LARGE2: variants seen among roughly 807,000 people sequenced by gnomAD.
LARGE2 encodes LARGE xylosyl- and glucuronyltransferase 2.
In LARGE2, 63 loss-of-function variants were observed where a neutral mutation model predicts 75.3. The observed-to-expected ratio is 0.84, with a 90% CI of 0.68 to 1.03. The LOEUF is 1.03. Ranked by LOEUF, LARGE2 falls within the 50% of genes least tolerant of loss-of-function variation. LARGE2 has a pLI of 0.00. For synonymous variants in LARGE2, 428 were observed against 420.1 expected (o/e 1.02, Z -0.23); for missense variants, 925 against 980.6 (o/e 0.94, Z 0.76).
chr11:45,925,092 TCA>T (rs1250785834), intron 6 of LARGE2, among the ~76,000 whole-genome samples: 1 of 152,194 alleles, frequency 6.6e-6, no homozygotes, highest in Non-Finnish European at 1.5e-5. Context: ...CCTCTGAGCC[TCA>T]GTTTTCTCAT....
chr11:45,923,450 C>T, intron 2 of LARGE2, 23 bp from the exon 3 acceptor site: 9 of 1,610,542 alleles, frequency 5.6e-6, no homozygotes, highest in Non-Finnish European at 7.6e-6. Context: ...GGGGCTGCTG[C>T]CGACCTGGGC....
At chr11:45,924,103 C>T in intron 3 of LARGE2, 51 bp from the exon 4 acceptor site, 2 of 1,598,264 alleles carry the variant, frequency 1.3e-6, no homozygotes, top group Non-Finnish European at 1.7e-6. Context: ...GGGGCTGTCC[C>T]ATGTTGCTCC....
chr11:45,923,016 C>A lies in LARGE2; in HGVS notation c.134C>A (p.Pro45Gln). The A allele has an allele frequency of 7.3e-7, 1 of 1,367,172 alleles. No individual in the cohort carries two copies. The allele number at this position is 1,367,172 out of a possible 1,614,324, so 84.7% of individuals were successfully genotyped here. A position where few individuals can be genotyped will look rare whatever the true frequency, so the allele number is the denominator to read the frequency against. ...RREPGGRAGA[P>Q]GCFPGPLMPR... Reference sequence around the variant, plus strand: ...GAGCCTGGCGGGCGAGCGGGGGCCCCGGGATGCTTCCCCGGCCCGCTCATG... The same window carrying A: ...GAGCCTGGCGGGCGAGCGGGGGCCCAGGGATGCTTCCCCGGCCCGCTCATG... Residue 45 changes from proline (P) to glutamine (Q), a missense_variant, in exon 2 of 14, where the codon CCG (proline) becomes CAG (glutamine). Physicochemically the swap from Pro to Gln is moderately conservative, Grantham distance 76 (BLOSUM62 -1). This residue lies in a region of LARGE2 where 453 missense variants were observed against 460.2 expected (regional missense o/e 0.98). Transcript: ENST00000401752.
In LARGE2 at chr11:45,926,568, C is replaced by A. The variant is rs2087159556; in HGVS notation, c.1135C>A (p.Pro379Thr). ...NLLRRELFVC[P>T]SQPPPGAEQL... ...GCTGCGGAGAGAGCTCTTTGTGTGC[C>A]CCAGCCAGCCCCCACCTGGTGCTGA... is the stretch of plus-strand genomic sequence containing the variant. Residue 379 changes from proline (P) to threonine (T), a missense_variant, in exon 9 of 14, where the codon CCC becomes ACC. Coordinates refer to ENST00000401752, the MANE Select transcript of LARGE2 (RefSeq NM_001300721.2). 6.2e-7 allele frequency: 1 copy of A among 1,614,068 alleles called. No homozygotes were observed. Among genetic ancestry groups the A allele is most frequent in the East Asian group, 2.2e-5 (1 of 44,886 alleles).
Position 45,926,062 on chromosome 11 carries a change from C to G in LARGE2, c.793C>G (p.Arg265Gly), listed in dbSNP as rs770017268. ...AGGTGTGATCCTGCTGCGGCTGGACCGGCTCCGGCAGGCTGGCTGGGAGCA... is the reference window on the plus strand; with the variant it reads ...AGGTGTGATCCTGCTGCGGCTGGACGGGCTCCGGCAGGCTGGCTGGGAGCA... ...NTGVILLRLD[R>G]LRQAGWEQMW... is the part of the protein sequence containing the mutation. The change falls in exon 7 of 14, where the codon CGG becomes GGG. Residue 265 changes from arginine (R) to glycine (G), a missense_variant. Coordinates refer to ENST00000401752, the MANE Select transcript of LARGE2 (RefSeq NM_001300721.2). The G allele has an allele frequency of 5.1e-6, 8 of 1,558,060 alleles. No homozygotes were observed. The highest frequency in any genetic ancestry group is 6.9e-6 in the Non-Finnish European group (8 of 1,151,168).
intron 4 of LARGE2, 114 bp downstream of exon 4, chr11:45,924,391 G>A (rs1356129559): frequency 1.1e-5 from 17 of 1,563,012 alleles, no homozygotes; most frequent in South Asian, 3.5e-5. Flanking sequence ...CTACTGAAGC[G>A]CAAACCCCTC....
At chr11:45,924,389 G>A (rs2087059104) in intron 4 of LARGE2, 112 bp downstream of exon 4, 3 of 1,564,066 alleles carry the variant, frequency 1.9e-6, no homozygotes, top group Non-Finnish European at 2.6e-6. Flanking sequence ...ACCTACTGAA[G>A]CGCAAACCCC....
intron 4 of LARGE2, 77 bp from the exon 5 acceptor site, chr11:45,924,429 T>A: frequency 6.4e-7 from 1 of 1,572,374 alleles, no homozygotes; most frequent in Non-Finnish European, 8.6e-7. Context: ...CCCTCTCCTC[T>A]GTGTCACTGC....
At position 45,926,434 on chromosome 11, in the gene LARGE2, G is replaced by A. The variant is rs1272264037; in HGVS notation, c.1009-8G>A. The A allele has an allele frequency of 6.2e-7, 1 of 1,613,960 alleles. No individual in the cohort carries two copies. The highest frequency in any genetic ancestry group is 8.5e-7 in the Non-Finnish European group (1 of 1,179,992). ...CTCCCATGGCCCCAACACCCTCCTG[G>A]GTCCCAGGTGATCCACTGGAACTCA... is the stretch of plus-strand genomic sequence containing the variant. On this transcript the variant is annotated splice_region_variant and splice_polypyrimidine_tract_variant and intron_variant, in intron 8 of 13. Coordinates refer to ENST00000401752, the MANE Select transcript of LARGE2 (RefSeq NM_001300721.2).
Position 45,922,890 on chromosome 11 carries a change from C to A in LARGE2, c.8C>A (p.Pro3His), listed in dbSNP as rs1367520900. The A allele has an allele frequency of 3.1e-6, 4 of 1,271,196 alleles. No homozygotes were observed. The highest frequency in any genetic ancestry group is 3.9e-6 in the Non-Finnish European group (4 of 1,013,448). The allele number at this position is 1,271,196 out of a possible 1,614,324, so 78.7% of individuals were successfully genotyped here. Residue 3 changes from proline to histidine, a missense_variant, in exon 2 of 14, where the codon CCC becomes CAC. Coordinates refer to ENST00000401752, the MANE Select transcript of LARGE2 (RefSeq NM_001300721.2). ...GCGCCCCCGTCGGCGGCCATGCTGCCCCGAGGGCGCCCCCGGGCGCTGGGG... is the reference window on the plus strand; with the variant it reads ...GCGCCCCCGTCGGCGGCCATGCTGCACCGAGGGCGCCCCCGGGCGCTGGGG... ML[P>H]RGRPRALGAA...
chr11:45,923,454 C>G lies in LARGE2; in HGVS notation c.286-19C>G. On this transcript the variant is annotated intron_variant, in intron 2 of 13. Coordinates refer to ENST00000401752, the MANE Select transcript of LARGE2 (RefSeq NM_001300721.2). ...AGCGGAGAAGGGGGGCTGCTGCCGA[C>G]CTGGGCGTCCCTCCCCAGCTCTTGC... 6.2e-7 allele frequency: 1 copy of G among 1,611,714 alleles called. No homozygotes were observed. Among genetic ancestry groups the G allele is most frequent in the Non-Finnish European group, 8.5e-7 (1 of 1,179,130 alleles).
Position 45,923,059 on chromosome 11 carries a change from C to T in LARGE2, c.177C>T (p.Asp59=), listed in dbSNP as rs2086984640. 2 of 1,416,094 alleles carry T rather than the reference C, an allele frequency of 1.4e-6. No homozygotes were observed. Among genetic ancestry groups the T allele is most frequent in the East Asian group, 6.1e-5 (2 of 32,666 alleles). 87.7% of individuals were successfully genotyped at this position (1,416,094 alleles called of 1,614,324 possible). A position where few individuals can be genotyped will look rare whatever the true frequency, so the allele number is the denominator to read the frequency against. Reference sequence around the variant, plus strand: ...CGCTCATGCCACGTGTCCCCCCAGACGGGAGGCTGCGGAGAGCCGCCGCCC... The same window carrying T: ...CGCTCATGCCACGTGTCCCCCCAGATGGGAGGCTGCGGAGAGCCGCCGCCC... ...PGPLMPRVPP[D]GRLRRAAALD... is the part of the protein sequence containing the mutation. The change falls in exon 2 of 14, where the codon GAC becomes GAT. Residue 59 remains aspartate, a synonymous_variant. Transcript: ENST00000401752.
chr11:45,928,501 A>G, intron 13 of LARGE2, 129 bp downstream of exon 13: 1 of 1,529,188 alleles, frequency 6.5e-7, no homozygotes. Flanking sequence ...CTGTGGAATT[A>G]AAATAATCTG....
intron 4 of LARGE2, 63 bp downstream of exon 4, chr11:45,924,340 C>T (rs1293870318): frequency 1.3e-5 from 20 of 1,594,200 alleles, no homozygotes; most frequent in African/African-American, 8.1e-5. Context: ...TCTCCAAGAC[C>T]TGGTGGGGTT....
chr11:45,922,998 GC>G lies in LARGE2; in HGVS notation c.117del (p.Arg41GlufsTer76). On this transcript the variant is annotated frameshift_variant, in exon 2 of 14. Coordinates refer to ENST00000401752, the MANE Select transcript of LARGE2 (RefSeq NM_001300721.2). LOFTEE classifies it high-confidence loss of function. The stretch of plus-strand genomic sequence containing the variant: ...CTGGGGTGTGAGCGCCGCGAGCCTG[GC>G]GGGCGAGCGGGGGCCCCGGGATGCT... The part of the protein sequence containing the change: ...GDLGCERREP[G>X]GRAGAPGCFP... The G allele has an allele frequency of 7.4e-7, 1 of 1,347,888 alleles. No individual in the cohort carries two copies. Among genetic ancestry groups the G allele is most frequent in the Non-Finnish European group, 9.5e-7 (1 of 1,054,858 alleles). The allele number at this position is 1,347,888 out of a possible 1,614,324, so 83.5% of individuals were successfully genotyped here.
intron 3 of LARGE2, 35 bp from the exon 4 acceptor site, chr11:45,924,119 G>T (rs1324149644): frequency 1.2e-6 from 2 of 1,603,100 alleles, no homozygotes; most frequent in Non-Finnish European, 1.7e-6. Flanking sequence ...GCTCCTGCTG[G>T]GGCCTCTCAG....
chr11:45,924,045 G>T, intron 3 of LARGE2, 109 bp from the exon 4 acceptor site: 1 of 1,028,030 alleles, frequency 9.7e-7, no homozygotes, highest in Non-Finnish European at 1.4e-6. Context: ...GCCGGGCGTG[G>T]AAAAGCTCTT....
chr11:45,925,023 C>G (rs2087090243), intron 6 of LARGE2, 134 bp downstream of exon 6: 1 of 560,650 alleles, frequency 1.8e-6, no homozygotes, highest in Non-Finnish European at 3.1e-6. Flanking sequence ...GATGAAGAGA[C>G]AGACAGCAGT....
At chr11:45,928,569 T>C (rs2087372387) in intron 13 of LARGE2, 61 bp from the exon 14 acceptor site, 3 of 1,583,616 alleles carry the variant, frequency 1.9e-6, no homozygotes, top group South Asian at 2.3e-5. Context: ...TCTCTGGAGC[T>C]GCACCTTCCC....
Sources: allele counts gnomAD v4.1 joint callset (sites outside exome capture counted in the v4.1 genomes callset), GRCh38; gene constraint gnomAD v4.1.1; regional missense constraint gnomAD v4.1.1; transcripts MANE v1.5; gene names NCBI Gene and HGNC (gene_info 2026-07-23, HGNC 2026-07-21).